The following ARFGEF2 variants were observed in gnomAD, a reference collection of about 807,000 sequenced individuals.
ARFGEF2 encodes the protein ARF guanine nucleotide exchange factor 2.
Under a neutral mutation model 219.9 loss-of-function variants are expected in ARFGEF2, and 74 were observed. The observed-to-expected ratio is 0.34, with a 90% CI of 0.28 to 0.41. ARFGEF2 has a LOEUF of 0.41. ARFGEF2 is among the 10% of genes least tolerant of loss of function. The pLI, the probability that ARFGEF2 is intolerant of heterozygous loss-of-function variation, is 1.00. For synonymous variants in ARFGEF2, 733 were observed against 799.2 expected (o/e 0.92, Z 1.40); for missense variants, 1,743 against 2,218.3 (o/e 0.79, Z 4.30).
intron 10 of ARFGEF2, among the ~76,000 whole-genome samples, chr20:48,971,915 AC>A (rs2091230983): frequency 1.3e-5 from 2 of 152,104 alleles, no homozygotes; most frequent in Admixed American, 6.5e-5. Context: ...AAAAAAAGTT[AC>A]TGCCCCCGGA....
intron 32 of ARFGEF2, 49 bp from the exon 33 acceptor site, chr20:49,017,447 C>A: frequency 6.2e-7 from 1 of 1,613,066 alleles, no homozygotes; most frequent in African/African-American, 1.3e-5. Flanking sequence ...CTTAAAGCTC[C>A]TGATTGCCTT....
intron 31 of ARFGEF2, among the ~76,000 whole-genome samples, chr20:49,016,690 A>G (rs1242336059): frequency 1.3e-5 from 2 of 152,082 alleles, no homozygotes. Flanking sequence ...TATGTTTGAA[A>G]TTTTCTCTAG....
chr20:48,983,770 G>A lies in ARFGEF2; in HGVS notation c.1959-959G>A, dbSNP rs146343027. Among the ~76,000 whole-genome samples the A allele has an allele frequency of 1.9e-3, 294 of 152,222 alleles. 1 individual carries two copies. Among genetic ancestry groups the A allele is most frequent in the African/African-American group, 6.5e-3 (269 of 41,522 alleles). ...TTCAGCAACTGCACTATCTAAACAG[G>A]TCCCAAGTTAAGTTCTGCCCTTGCC... On this transcript the variant is annotated intron_variant, in intron 14 of 38. Transcript: ENST00000371917.
chr20:48,934,970 A>G (rs904167048), intron 1 of ARFGEF2, among the ~76,000 whole-genome samples: 44 of 152,194 alleles, frequency 2.9e-4, no homozygotes, highest in African/African-American at 1.0e-3. Context: ...CACTCCCACC[A>G]ACAGTGTAAA....
At position 49,010,298 on chromosome 20, in the gene ARFGEF2, C is replaced by A; in HGVS notation, c.3651C>A (p.Asn1217Lys). The A allele has an allele frequency of 6.2e-7, 1 of 1,614,174 alleles. No individual in the cohort carries two copies. Among genetic ancestry groups the A allele is most frequent in the Non-Finnish European group, 8.5e-7 (1 of 1,179,982 alleles). ...IAQMVNSQAANIRSGWKNIFA... is the reference protein window; with the variant it reads ...IAQMVNSQAAKIRSGWKNIFA... ...AGATGGTGAACTCCCAGGCGGCCAA[C>A]ATCCGCTCAGGTTGGAAGAACATCT... The change falls in exon 27 of 39, where the codon AAC becomes AAA. Residue 1217 changes from asparagine to lysine, a missense_variant. Around this residue, in one of 5 missense-constraint regions of ARFGEF2, gnomAD observed 102 missense variants for 146.8 expected, o/e 0.69. Transcript: ENST00000371917.
intron 3 of ARFGEF2, among the ~76,000 whole-genome samples, chr20:48,946,487 A>ATATG (rs2091028010): frequency 6.7e-6 from 1 of 148,938 alleles, no homozygotes. Flanking sequence ...TTATATATAT[A>ATATG]TATATATATT....
chr20:49,022,431 A>ACAAC (rs61496448), intron 34 of ARFGEF2, among the ~76,000 whole-genome samples: 32,418 of 148,250 alleles, frequency 0.22, 3,642 homozygotes, highest in Non-Finnish European at 0.25. Flanking sequence ...AACAACAACA[A>ACAAC]AAAAAAAAAA....
intron 22 of ARFGEF2, 137 bp downstream of exon 22, chr20:48,994,735 G>A: frequency 7.7e-7 from 1 of 1,301,142 alleles, no homozygotes; most frequent in Non-Finnish European, 1.1e-6. Flanking sequence ...GAATGCAAGT[G>A]GACGTGCTGC....
Position 48,953,566 on chromosome 20 carries a change from C to T in ARFGEF2, c.614C>T (p.Ala205Val), listed in dbSNP as rs370991401. ...TRMENQVLQE[A>V]RELEKPIQSK... ...TTTGTTGCCTTTTAGTTGCAGGAGG[C>T]CAGAGAACTGGAAAAACCAATCCAG... Residue 205 changes from alanine (A) to valine (V), a missense_variant, in exon 6 of 39, where the codon GCC becomes GTC. By Grantham distance (64) the Ala-to-Val change is moderately conservative. Coordinates refer to ENST00000371917, the MANE Select transcript of ARFGEF2 (RefSeq NM_006420.3). 20 of 1,613,888 alleles carry T rather than the reference C, an allele frequency of 1.2e-5. No individual in the cohort carries two copies. Among genetic ancestry groups the T allele is most frequent in the Non-Finnish European group, 1.4e-5 (17 of 1,179,958 alleles).
chr20:48,930,285 C>G (rs1042567948), intron 1 of ARFGEF2, among the ~76,000 whole-genome samples: 1 of 152,308 alleles, frequency 6.6e-6, no homozygotes, highest in South Asian at 2.1e-4. Flanking sequence ...CCCTCGTGAC[C>G]TAATCACTTC....
At chr20:48,984,986 G>T (rs2091318754) in intron 15 of ARFGEF2, 146 bp downstream of exon 15, 21 of 1,426,588 alleles carry the variant, frequency 1.5e-5, no homozygotes, top group Non-Finnish European at 1.9e-5. Flanking sequence ...TCCACCCCCG[G>T]GTTACAGCAG....
rs1382093993 is a variant in ARFGEF2 at position 48,998,245 on chromosome 20, A to C, written c.3262+12A>C. The C allele has an allele frequency of 1.9e-6, 3 of 1,614,092 alleles. No homozygotes were observed. The highest frequency in any genetic ancestry group is 2.5e-6 in the Non-Finnish European group (3 of 1,179,996). ...TGGAAATGCAATAGGTATGTATTTG[A>C]CTTACCTGTGAAAACTGCAGAAGCC... is the stretch of plus-strand genomic sequence containing the variant. On this transcript the variant is annotated intron_variant, in intron 24 of 38. Coordinates refer to ENST00000371917, the MANE Select transcript of ARFGEF2 (RefSeq NM_006420.3).
chr20:48,997,716 CTCTACCT>C (rs1054386317), intron 23 of ARFGEF2, among the ~76,000 whole-genome samples: 3 of 152,330 alleles, frequency 2.0e-5, no homozygotes, highest in Non-Finnish European at 4.4e-5. Context: ...GATGTTTCCT[CTCTACCT>C]TGTCTGAGAG....
Position 48,941,897 on chromosome 20 carries a change from C to T in ARFGEF2, c.186C>T (p.Phe62=). 1 of 1,614,248 alleles carries T rather than the reference C, an allele frequency of 6.2e-7. No homozygotes were observed. The change falls in exon 3 of 39, where the codon TTC becomes TTT. Residue 62 remains phenylalanine (F), a synonymous_variant. Coordinates refer to ENST00000371917, the MANE Select transcript of ARFGEF2 (RefSeq NM_006420.3). The stretch of plus-strand genomic sequence containing the variant: ...CTGCTGCACCACCAAAGGCAAACTT[C>T]ATTGAAGCTGACAAGTATTTTCTTC... ...LGTAAPPKAN[F]IEADKYFLPF... is the part of the protein sequence containing the mutation.
At chr20:49,002,681 G>A (rs763338689) in intron 25 of ARFGEF2, among the ~76,000 whole-genome samples, 2 of 151,934 alleles carry the variant, frequency 1.3e-5, no homozygotes, top group South Asian at 2.1e-4. Context: ...GCAAAATGTC[G>A]GCTCACTGCA....
chr20:49,006,475 CAAAT>C (rs1057171955), intron 26 of ARFGEF2, among the ~76,000 whole-genome samples: 4 of 151,972 alleles, frequency 2.6e-5, no homozygotes, highest in African/African-American at 7.2e-5. Flanking sequence ...AATAGAAAAA[CAAAT>C]AAATATCAGT....
At chr20:49,029,696 A>C (rs2091622472) in intron 37 of ARFGEF2, among the ~76,000 whole-genome samples, 1 of 151,514 alleles carries the variant, frequency 6.6e-6, no homozygotes, top group African/African-American at 2.4e-5. Context: ...GGTTCAACCA[A>C]TTCTCCTGCC....
At chr20:48,925,429 C>A (rs909978044) in intron 1 of ARFGEF2, among the ~76,000 whole-genome samples, 1 of 152,138 alleles carries the variant, frequency 6.6e-6, no homozygotes, top group African/African-American at 2.4e-5. Flanking sequence ...TTATAATTGT[C>A]TTATTTAAGA....
intron 26 of ARFGEF2, among the ~76,000 whole-genome samples, chr20:49,007,753 G>T (rs1305777526): frequency 2.0e-5 from 3 of 152,014 alleles, no homozygotes; most frequent in Non-Finnish European, 4.4e-5. Context: ...CATTTTAAGA[G>T]AACCAAAATT....
Sources: gnomAD v4.1 joint callset for allele counts (sites outside exome capture counted in the v4.1 genomes callset) on GRCh38, gnomAD v4.1.1 for gene constraint, gnomAD v4.1.1 regional missense constraint, MANE v1.5 for transcripts, NCBI Gene and HGNC (gene_info 2026-07-23, HGNC 2026-07-21) for gene names.